Variants in B3GALT1 observed in about 807,000 individuals in gnomAD.
B3GALT1 encodes the protein UDP-Gal:betaGlcNAc beta 1,3-galactosyltransferase, polypeptide 1.
B3GALT1 carries 10 observed loss-of-function variants against 23.2 expected under a neutral mutation model. The observed-to-expected ratio is 0.43, with a 90% confidence interval of 0.27 to 0.73. The LOEUF is 0.73. Among genes scored for constraint, B3GALT1 ranks in the 30% least tolerant of loss-of-function variants. The probability of loss-of-function intolerance (pLI) is 0.21; values close to 1 mark genes in which losing one functional copy is unlikely to be tolerated. For missense variants in B3GALT1, 299 were observed against 405.4 expected (o/e 0.74, Z 2.25); for synonymous variants, 156 against 141.5 (o/e 1.10, Z -0.73).
intron 1 of B3GALT1, among the ~76,000 whole-genome samples, chr2:167,377,581 CTCT>C (rs1266809590): frequency 6.6e-6 from 1 of 152,048 alleles, no homozygotes; most frequent in Non-Finnish European, 1.5e-5. Context: ...TGATGTAATG[CTCT>C]TCTTTGTCCT....
intron 1 of B3GALT1, among the ~76,000 whole-genome samples, chr2:167,403,830 T>C (rs1698232478): frequency 6.6e-6 from 1 of 152,088 alleles, no homozygotes; most frequent in Non-Finnish European, 1.5e-5. Context: ...AGGGAGGACA[T>C]GATCTTTAAA....
chr2:167,799,029 C>T (rs548501814), intron 3 of B3GALT1, among the ~76,000 whole-genome samples: 4 of 152,284 alleles, frequency 2.6e-5, no homozygotes, highest in African/African-American at 9.6e-5. Context: ...TTCACATATT[C>T]AGAGGCATTC....
chr2:167,535,318 C>T (rs931049939), intron 2 of B3GALT1, among the ~76,000 whole-genome samples: 1 of 151,926 alleles, frequency 6.6e-6, no homozygotes, highest in African/African-American at 2.4e-5. Flanking sequence ...AAAGTGGTGA[C>T]CCTGGAGTTG....
At chr2:167,429,296 A>T (rs956842789) in intron 1 of B3GALT1, among the ~76,000 whole-genome samples, 1 of 151,518 alleles carries the variant, frequency 6.6e-6, no homozygotes, top group Non-Finnish European at 1.5e-5. Context: ...AAAAAAAAAA[A>T]AAAATAAGAA....
At chr2:167,327,456 A>T (rs369089298) in intron 1 of B3GALT1, among the ~76,000 whole-genome samples, 1 of 151,852 alleles carries the variant, frequency 6.6e-6, no homozygotes, top group East Asian at 1.9e-4. Context: ...CCTTAGAGAG[A>T]TCTTTATTCC....
intron 2 of B3GALT1, among the ~76,000 whole-genome samples, chr2:167,535,438 A>G (rs1683399494): frequency 6.6e-6 from 1 of 152,152 alleles, no homozygotes; most frequent in Non-Finnish European, 1.5e-5. Context: ...AATACCTCAC[A>G]TGTGGGGATA....
At chr2:167,296,334 TAAG>T (rs1413033290) in intron 1 of B3GALT1, among the ~76,000 whole-genome samples, 1 of 152,216 alleles carries the variant, frequency 6.6e-6, no homozygotes, top group Non-Finnish European at 1.5e-5. Flanking sequence ...CGTGAATAGG[TAAG>T]AAAGTGAGGT....
intron 3 of B3GALT1, among the ~76,000 whole-genome samples, chr2:167,734,949 T>C (rs995016387): frequency 1.3e-5 from 2 of 152,242 alleles, no homozygotes; most frequent in Admixed American, 6.5e-5. Flanking sequence ...ATTTTAAATA[T>C]GTTCAGTCTT....
intron 1 of B3GALT1, among the ~76,000 whole-genome samples, chr2:167,381,933 T>C (rs907500574): frequency 2.0e-5 from 3 of 152,218 alleles, no homozygotes; most frequent in Admixed American, 6.5e-5. Flanking sequence ...GAGATCCTTT[T>C]ACATTTGGAT....
intron 2 of B3GALT1, among the ~76,000 whole-genome samples, chr2:167,524,216 T>C (rs1683183891): frequency 6.6e-6 from 1 of 152,172 alleles, no homozygotes; most frequent in Non-Finnish European, 1.5e-5. Context: ...TTGGACATAT[T>C]TTTGTCATAT....
At chr2:167,469,425 A>C (rs1193032200) in intron 1 of B3GALT1, among the ~76,000 whole-genome samples, 1 of 152,364 alleles carries the variant, frequency 6.6e-6, no homozygotes, top group East Asian at 1.9e-4. Context: ...AATGACTTGG[A>C]AAAACAAAAT....
In B3GALT1 at chr2:167,868,962, T is replaced by A. The variant is rs547727221; in HGVS notation, c.-78T>A. 2.3e-4 allele frequency: 339 copies of A among 1,471,204 alleles called. No individual in the cohort carries two copies. Among genetic ancestry groups the A allele is most frequent in the Non-Finnish European group, 2.8e-4 (309 of 1,094,186 alleles). The allele number at this position is 1,471,204 out of a possible 1,614,324, so 91.1% of individuals were successfully genotyped here. On this transcript the variant is annotated 5_prime_UTR_variant, in exon 5 of 5. Coordinates refer to ENST00000392690, the MANE Select transcript of B3GALT1 (RefSeq NM_020981.4). Reference sequence around the variant, plus strand: ...ACTTGAAGATTTATTAGTAATATGCTGCCTTTGGAAGATGAAAACAAACTA... The same window carrying A: ...ACTTGAAGATTTATTAGTAATATGCAGCCTTTGGAAGATGAAAACAAACTA...
At chr2:167,739,636 G>A (rs1051367900) in intron 3 of B3GALT1, among the ~76,000 whole-genome samples, 1 of 151,766 alleles carries the variant, frequency 6.6e-6, no homozygotes, top group African/African-American at 2.4e-5. Context: ...TCTACCTAAC[G>A]TATTATGTAT....
At chr2:167,334,692 T>C (rs1420782178) in intron 1 of B3GALT1, among the ~76,000 whole-genome samples, 1 of 152,180 alleles carries the variant, frequency 6.6e-6, no homozygotes, top group Non-Finnish European at 1.5e-5. Flanking sequence ...CCATTTGTTA[T>C]GAGGAATTTA....
intron 2 of B3GALT1, among the ~76,000 whole-genome samples, chr2:167,558,563 G>C (rs974439949): frequency 3.3e-5 from 5 of 152,180 alleles, no homozygotes; most frequent in African/African-American, 1.2e-4. Context: ...TCAAGGAAAG[G>C]GGTGACAGAT....
intron 3 of B3GALT1, among the ~76,000 whole-genome samples, chr2:167,711,254 A>G (rs1323848846): frequency 3.3e-5 from 5 of 151,936 alleles, no homozygotes; most frequent in African/African-American, 1.2e-4. Flanking sequence ...TCTAAACAAG[A>G]CCTCTAGTCG....
At chr2:167,696,402 A>G (rs1284118470) in intron 3 of B3GALT1, among the ~76,000 whole-genome samples, 3 of 151,830 alleles carry the variant, frequency 2.0e-5, no homozygotes, top group Non-Finnish European at 2.9e-5. Context: ...TGCTCAATTA[A>G]TGATGGTTAC....
intron 3 of B3GALT1, among the ~76,000 whole-genome samples, chr2:167,661,744 G>T (rs1250673213): frequency 6.6e-6 from 1 of 152,058 alleles, no homozygotes; most frequent in Non-Finnish European, 1.5e-5. Context: ...GGTGCTTTGA[G>T]AATTAGTTCT....
intron 1 of B3GALT1, among the ~76,000 whole-genome samples, chr2:167,423,859 T>A (rs1698585194): frequency 2.0e-5 from 3 of 152,192 alleles, no homozygotes; most frequent in Admixed American, 2.0e-4. Context: ...TTTCTCTTTT[T>A]ATCTCTCTAT....
Sources: allele counts gnomAD v4.1 joint callset (sites outside exome capture counted in the v4.1 genomes callset), GRCh38; gene constraint gnomAD v4.1.1; transcripts MANE v1.5; gene names NCBI Gene and HGNC (gene_info 2026-07-23, HGNC 2026-07-21).